Variants in ASB3 observed in about 807,000 individuals in gnomAD.
The protein encoded by ASB3 is ankyrin repeat and SOCS box containing 3, also known as ankyrin repeat and SOCS box protein 3.
A neutral mutation model predicts 54.5 loss-of-function variants in ASB3; 41 were observed. That is an observed-to-expected ratio of 0.75 (90% CI 0.59 to 0.98). ASB3 has a LOEUF of 0.98. Among genes scored for constraint, ASB3 ranks in the 50% least tolerant of loss-of-function variants. ASB3 has a pLI of 0.00. For missense variants in ASB3, 733 were observed against 620.0 expected (o/e 1.18, Z -1.94); for synonymous variants, 266 against 221.2 (o/e 1.20, Z -1.80).
Position 53,755,977 on chromosome 2 carries a change from A to ACCC in ASB3, c.197-5039_197-5037dup, listed in dbSNP as rs112277299. On this transcript the variant is annotated intron_variant, in intron 2 of 9. Coordinates refer to ENST00000263634, the MANE Select transcript of ASB3 (RefSeq NM_016115.5). ...AGACCAACCTGGACAAAATAGTAAG[A>ACCC]CCCCCCCCCCACCTCTACAAAATAT... Among the ~76,000 whole-genome samples, 497 of 132,888 alleles carry ACCC rather than the reference A, an allele frequency of 3.7e-3. 6 individuals are homozygous for ACCC. The highest frequency in any genetic ancestry group is 5.7e-3 in the Non-Finnish European group (346 of 60,972). The allele number at this position is 132,888 out of a possible 152,430, so 87.2% of individuals were successfully genotyped here. A position where few individuals can be genotyped will look rare whatever the true frequency, so the allele number is the denominator to read the frequency against.
At chr2:53,763,191 G>A (rs1241570396) in intron 2 of ASB3, among the ~76,000 whole-genome samples, 7 of 152,172 alleles carry the variant, frequency 4.6e-5, no homozygotes, top group South Asian at 2.1e-4. Flanking sequence ...GACCAGCCTC[G>A]GCAACAAAGT....
At chr2:53,688,808 T>C (rs558068518) in intron 9 of ASB3, among the ~76,000 whole-genome samples, 6 of 151,944 alleles carry the variant, frequency 3.9e-5, no homozygotes, top group East Asian at 3.9e-4. Flanking sequence ...AGGGGAGGGA[T>C]AGCATTAGGA....
At chr2:53,786,374 C>A (rs1182740546) in intron 1 of ASB3, 1 of 152,212 alleles carries the variant, frequency 6.6e-6, no homozygotes, top group Non-Finnish European at 1.5e-5. Context: ...GCCCATTCCA[C>A]GAGAGTCGCC....
Position 53,670,091 on chromosome 2 carries a change from T to C in ASB3, c.*412A>G. 6.2e-6 allele frequency: 1 copy of C among 160,610 alleles called. No homozygotes were observed. The highest frequency in any genetic ancestry group is 1.9e-4 in the East Asian group (1 of 5,336). The allele number at this position is 160,610 out of a possible 1,614,324, so 9.9% of individuals were successfully genotyped here. A position where few individuals can be genotyped will look rare whatever the true frequency, so the allele number is the denominator to read the frequency against. ...GTTGTATACACTTCCAGTGAAGCTT[T>C]ATGCATTCCATTCTGAGCTCCTAAT... is the stretch of plus-strand genomic sequence containing the variant. On this transcript the variant is annotated 3_prime_UTR_variant, in exon 10 of 10. Transcript: ENST00000263634.
At chr2:53,785,819 G>A (rs1164166451) in intron 1 of ASB3, among the ~76,000 whole-genome samples, 1 of 152,232 alleles carries the variant, frequency 6.6e-6, no homozygotes, top group Non-Finnish European at 1.5e-5. Flanking sequence ...TCCAGCCTGG[G>A]TGACAGAGCG....
At chr2:53,753,055 AAATC>A (rs1295572287) in intron 2 of ASB3, among the ~76,000 whole-genome samples, 1 of 152,182 alleles carries the variant, frequency 6.6e-6, no homozygotes, top group East Asian at 1.9e-4. Context: ...TAAAAAAAAA[AAATC>A]AACCAGGAGG....
At chr2:53,721,048 G>A (rs974605829) in intron 5 of ASB3, among the ~76,000 whole-genome samples, 1 of 151,500 alleles carries the variant, frequency 6.6e-6, no homozygotes, top group Non-Finnish European at 1.5e-5. Flanking sequence ...GAACCAGGAG[G>A]GGGAGGTTGC....
intron 3 of ASB3, among the ~76,000 whole-genome samples, chr2:53,737,192 C>T (rs1264070429): frequency 6.6e-6 from 1 of 152,076 alleles, no homozygotes; most frequent in African/African-American, 2.4e-5. Context: ...AACTGTGATT[C>T]CCGAGAGAAG....
chr2:53,728,862 C>T lies in ASB3; in HGVS notation c.469-15G>A. 2 of 1,568,208 alleles carry T rather than the reference C, an allele frequency of 1.3e-6. No individual in the cohort carries two copies. Among genetic ancestry groups the T allele is most frequent in the East Asian group, 2.3e-5 (1 of 44,364 alleles). On this transcript the variant is annotated splice_polypyrimidine_tract_variant and intron_variant, in intron 4 of 9. Transcript: ENST00000263634. ...TCAGCATTTTCCTAAAGCACAGATTCACATTTTAAATAAGAAAAAAACAAA... is the reference window on the plus strand; with the variant it reads ...TCAGCATTTTCCTAAAGCACAGATTTACATTTTAAATAAGAAAAAAACAAA...
Position 53,714,574 on chromosome 2 carries a change from C to T in ASB3, c.790G>A (p.Asp264Asn), listed in dbSNP as rs766075690. ...CGGTTAGTAAGTGGTATTAACAAGT[C>T]CAAGATTCTATAAATACACAAATTC... is the stretch of plus-strand genomic sequence containing the variant. ...AAQMGHTKIL[D>N]LLIPLTNRAC... The change falls in exon 7 of 10, where the codon GAC becomes AAC. Residue 264 changes from aspartate (D) to asparagine (N), a missense_variant. Physicochemically the swap from Asp to Asn is conservative, Grantham distance 23. Coordinates refer to ENST00000263634, the MANE Select transcript of ASB3 (RefSeq NM_016115.5). 9.3e-6 allele frequency: 15 copies of T among 1,613,582 alleles called. No individual in the cohort carries two copies. The African/African-American group carries it at 1.2e-4, about 13-fold the overall frequency.
intron 3 of ASB3, among the ~76,000 whole-genome samples, chr2:53,737,341 C>G (rs1671695207): frequency 6.6e-6 from 1 of 152,100 alleles, no homozygotes; most frequent in Non-Finnish European, 1.5e-5. Context: ...GAAAGAGGCT[C>G]AAGTGCAGTA....
At chr2:53,754,886 G>C (rs1672728828) in intron 2 of ASB3, among the ~76,000 whole-genome samples, 1 of 152,162 alleles carries the variant, frequency 6.6e-6, no homozygotes, top group South Asian at 2.1e-4. Context: ...AAGTTCCAAA[G>C]ATAAACTGCT....
chr2:53,773,157 G>C (rs1417044429), intron 1 of ASB3, among the ~76,000 whole-genome samples: 2 of 152,038 alleles, frequency 1.3e-5, no homozygotes, highest in Non-Finnish European at 2.9e-5. Context: ...CTTCAAATTG[G>C]TAACTTATAA....
At chr2:53,719,877 T>C (rs899080570) in intron 5 of ASB3, among the ~76,000 whole-genome samples, 10 of 152,000 alleles carry the variant, frequency 6.6e-5, no homozygotes, top group East Asian at 5.8e-4. Context: ...GCCAGGGCAA[T>C]GTGAAAGGAA....
chr2:53,754,283 A>C (rs1007307271), intron 2 of ASB3, among the ~76,000 whole-genome samples: 2 of 152,210 alleles, frequency 1.3e-5, no homozygotes, highest in Non-Finnish European at 2.9e-5. Flanking sequence ...TAAATCTCCC[A>C]TGTAGAAGAA....
chr2:53,697,117 G>T (rs563557889), intron 8 of ASB3, among the ~76,000 whole-genome samples: 4 of 152,332 alleles, frequency 2.6e-5, no homozygotes, highest in Non-Finnish European at 5.9e-5. Flanking sequence ...TGATGAAAGT[G>T]ACCTCTGGTC....
At chr2:53,721,727 C>A (rs1269347052) in intron 5 of ASB3, among the ~76,000 whole-genome samples, 1 of 152,088 alleles carries the variant, frequency 6.6e-6, no homozygotes, top group Non-Finnish European at 1.5e-5. Context: ...TAATGCTAAA[C>A]ATCTAGCTCA....
At chr2:53,772,806 C>T (rs529903431) in intron 1 of ASB3, among the ~76,000 whole-genome samples, 16 of 152,224 alleles carry the variant, frequency 1.1e-4, no homozygotes, top group African/African-American at 3.9e-4. Flanking sequence ...TTTCATCACC[C>T]AGGTATTAAC....
chr2:53,679,772 G>C (rs1007039398), intron 9 of ASB3, among the ~76,000 whole-genome samples: 4 of 151,872 alleles, frequency 2.6e-5, no homozygotes, highest in African/African-American at 9.7e-5. Context: ...TAAGTTCAGG[G>C]GTACATGTGT....
Sources: gnomAD v4.1 joint callset for allele counts (sites outside exome capture counted in the v4.1 genomes callset) on GRCh38, gnomAD v4.1.1 for gene constraint, MANE v1.5 for transcripts, NCBI Gene and HGNC (gene_info 2026-07-23, HGNC 2026-07-21) for gene names.